SYK: variants seen among roughly 807,000 people sequenced by gnomAD.
SYK encodes the protein spleen associated tyrosine kinase.
A neutral mutation model predicts 77.8 loss-of-function variants in SYK; 16 were observed. The observed-to-expected ratio is 0.21, with a 90% CI of 0.14 to 0.31. The LOEUF (loss-of-function observed/expected upper bound fraction) is 0.31. SYK is among the 10% of genes least tolerant of loss of function. SYK has a pLI of 1.00. For missense variants in SYK, 529 were observed against 814.4 expected, an observed-to-expected ratio of 0.65 and a Z score of 4.26; for synonymous variants, 312 against 308.7, an observed-to-expected ratio of 1.01 and a Z score of -0.11.
intron 2 of SYK, 88 bp downstream of exon 2, chr9:90,844,403 T>A: frequency 7.5e-7 from 1 of 1,337,406 alleles, no homozygotes; most frequent in Non-Finnish European, 9.9e-7. Flanking sequence ...CATGTGCCTA[T>A]GTGCCCTGTG....
chr9:90,850,073 A>G (rs1826758206), intron 3 of SYK, among the ~76,000 whole-genome samples: 1 of 152,240 alleles, frequency 6.6e-6, no homozygotes, highest in African/African-American at 2.4e-5. Flanking sequence ...AAAACCAGGC[A>G]GGTCCCCCTT....
intron 3 of SYK, among the ~76,000 whole-genome samples, chr9:90,847,733 C>T (rs1587856322): frequency 6.6e-6 from 1 of 152,214 alleles, no homozygotes; most frequent in African/African-American, 2.4e-5. Context: ...GGGAAACTTT[C>T]CCCAGGCTCT....
At chr9:90,860,681 C>T (rs1253288613) in intron 3 of SYK, among the ~76,000 whole-genome samples, 2 of 152,154 alleles carry the variant, frequency 1.3e-5, no homozygotes, top group Admixed American at 1.3e-4. Flanking sequence ...TGGCCAAGCA[C>T]CGCTAGAAAA....
chr9:90,804,987 G>C (rs751262069), intron 1 of SYK, among the ~76,000 whole-genome samples: 3 of 151,640 alleles, frequency 2.0e-5, no homozygotes, highest in Admixed American at 6.6e-5. Flanking sequence ...AATTGTGCAA[G>C]GTTTGCCCTA....
chr9:90,897,767 G>A lies in SYK; in HGVS notation c.*2167G>A, dbSNP rs1829048013. 4.5e-6 allele frequency: 1 copy of A among 222,974 alleles called. No individual in the cohort carries two copies. Among genetic ancestry groups the A allele is most frequent in the Non-Finnish European group, 9.0e-6 (1 of 111,614 alleles). The allele number at this position is 222,974 out of a possible 1,614,324, so 13.8% of individuals were successfully genotyped here. ...GGTCCGGCCAGGTCTCCTTGTCCCT[G>A]GACAATCTCCTGAGCCTCTCTGCTT... On this transcript the variant is annotated 3_prime_UTR_variant, in exon 14 of 14. Coordinates refer to ENST00000375754, the MANE Select transcript of SYK (RefSeq NM_003177.7).
chr9:90,820,824 A>T (rs942514416), intron 1 of SYK, among the ~76,000 whole-genome samples: 7 of 151,438 alleles, frequency 4.6e-5, no homozygotes, highest in Non-Finnish European at 5.9e-5. Flanking sequence ...CTTTTCTATT[A>T]CATAGTCAGG....
At chr9:90,844,446 C>A in intron 2 of SYK, 131 bp downstream of exon 2, 1 of 1,105,966 alleles carries the variant, frequency 9.0e-7, no homozygotes, top group Non-Finnish European at 1.2e-6. Context: ...CCTTAAGCAT[C>A]AATTTTGGCC....
chr9:90,802,788 T>C (rs1359823766), intron 1 of SYK, among the ~76,000 whole-genome samples: 2 of 97,076 alleles, frequency 2.1e-5, no homozygotes, highest in South Asian at 3.3e-4. Flanking sequence ...CGAACTCAAG[T>C]AGAGTTCAAA....
chr9:90,809,739 T>C (rs1825002840), intron 1 of SYK, among the ~76,000 whole-genome samples: 1 of 152,092 alleles, frequency 6.6e-6, no homozygotes, highest in African/African-American at 2.4e-5. Flanking sequence ...TCGTGGAAAG[T>C]GAGTGCCGAG....
At chr9:90,865,206 T>G in intron 6 of SYK, 109 bp downstream of exon 6, 1 of 1,098,308 alleles carries the variant, frequency 9.1e-7, no homozygotes, top group Non-Finnish European at 1.4e-6. Flanking sequence ...TGATTGCGCT[T>G]CAAAACATAC....
intron 11 of SYK, among the ~76,000 whole-genome samples, chr9:90,884,831 G>GTACATGCACATATACACATA: frequency 1.9e-5 from 1 of 53,212 alleles, no homozygotes; most frequent in African/African-American, 5.7e-5. Context: ...ACACATATGT[G>GTACATGCACATATACACATA]TGTATATACA....
At chr9:90,820,288 C>T (rs911691836) in intron 1 of SYK, among the ~76,000 whole-genome samples, 1 of 152,214 alleles carries the variant, frequency 6.6e-6, no homozygotes, top group Non-Finnish European at 1.5e-5. Context: ...CTAGGCAGTG[C>T]CCCAGTAGGG....
chr9:90,844,006 T>C lies in SYK; in HGVS notation c.108T>C (p.Asp36=), dbSNP rs1225805514. Residue 36 remains aspartate (D), a synonymous_variant, in exon 2 of 14, where the codon GAT becomes GAC. Coordinates refer to ENST00000375754, the MANE Select transcript of SYK (RefSeq NM_003177.7). ...EDYLVQGGMS[D]GLYLLRQSRN... is the part of the protein sequence containing the mutation. ...ACCTGGTCCAGGGGGGCATGAGTGATGGGCTTTATTTGCTGCGCCAGAGCC... is the reference window on the plus strand; with the variant it reads ...ACCTGGTCCAGGGGGGCATGAGTGACGGGCTTTATTTGCTGCGCCAGAGCC... The C allele has an allele frequency of 1.9e-6, 3 of 1,611,606 alleles. No individual in the cohort carries two copies. Among genetic ancestry groups the C allele is most frequent in the Non-Finnish European group, 2.5e-6 (3 of 1,178,844 alleles).
chr9:90,844,030 C>T lies in SYK; in HGVS notation c.132C>T (p.Ser44=), dbSNP rs2118631223. The T allele has an allele frequency of 6.2e-7, 1 of 1,612,484 alleles. No individual in the cohort carries two copies. Among genetic ancestry groups the T allele is most frequent in the Non-Finnish European group, 8.5e-7 (1 of 1,179,204 alleles). The stretch of plus-strand genomic sequence containing the variant: ...ATGGGCTTTATTTGCTGCGCCAGAG[C>T]CGCAACTACCTGGGTGGCTTCGCCC... The part of the protein sequence containing the change: ...MSDGLYLLRQ[S]RNYLGGFALS... Residue 44 remains serine (S), a synonymous_variant, in exon 2 of 14, where the codon AGC becomes AGT. Transcript: ENST00000375754.
intron 13 of SYK, among the ~76,000 whole-genome samples, chr9:90,893,563 T>C (rs1828876632): frequency 6.6e-6 from 1 of 150,960 alleles, no homozygotes; most frequent in Non-Finnish European, 1.5e-5. Context: ...TTGAAGGGGG[T>C]TTATTATGAG....
intron 1 of SYK, among the ~76,000 whole-genome samples, chr9:90,804,692 C>G (rs1407322915): frequency 6.6e-6 from 1 of 152,196 alleles, no homozygotes; most frequent in Non-Finnish European, 1.5e-5. Flanking sequence ...CAACTAAAAT[C>G]AGAAGGCAGA....
At chr9:90,829,445 A>T (rs1825799758) in intron 1 of SYK, among the ~76,000 whole-genome samples, 1 of 152,236 alleles carries the variant, frequency 6.6e-6, no homozygotes, top group Admixed American at 6.5e-5. Context: ...AGAACCGGAC[A>T]TGTGAGCTTT....
intron 13 of SYK, among the ~76,000 whole-genome samples, chr9:90,890,133 G>C (rs1262038822): frequency 6.6e-6 from 1 of 152,204 alleles, no homozygotes; most frequent in Non-Finnish European, 1.5e-5. Context: ...CTTCTTTGTG[G>C]TGTGTGTTTA....
intron 1 of SYK, among the ~76,000 whole-genome samples, chr9:90,802,287 C>G (rs1334233638): frequency 6.6e-6 from 1 of 152,202 alleles, no homozygotes; most frequent in East Asian, 1.9e-4. Context: ...GAACATTTTC[C>G]TTTGGCCATT....
Sources: gnomAD v4.1 joint callset for allele counts (sites outside exome capture counted in the v4.1 genomes callset) on GRCh38, gnomAD v4.1.1 for gene constraint, MANE v1.5 for transcripts, NCBI Gene and HGNC (gene_info 2026-07-23, HGNC 2026-07-21) for gene names.